Variants in MANSC1 observed in about 807,000 individuals in gnomAD.
MANSC1 encodes MANSC domain containing 1.
In MANSC1, 13 loss-of-function variants were observed where a neutral mutation model predicts 14.1. The observed-to-expected ratio is 0.92, with a 90% CI of 0.60 to 1.46. The LOEUF (loss-of-function observed/expected upper bound fraction) is 1.46, where lower values mean the gene tolerates loss of function less well. MANSC1 is among the 40% of genes most tolerant of loss of function. The pLI is 0.00. For synonymous variants in MANSC1, 227 were observed against 200.7 expected (o/e 1.13, Z -1.11); for missense variants, 486 against 511.4 (o/e 0.95, Z 0.48).
At chr12:12,342,584 G>GTTT (rs760560592) in intron 2 of MANSC1, among the ~76,000 whole-genome samples, 33 of 41,770 alleles carry the variant, frequency 7.9e-4, no homozygotes, top group African/African-American at 1.9e-3. Flanking sequence ...GTGTTTTTTT[G>GTTT]TTTTTTTTTT....
chr12:12,343,625 C>T (rs549434529), intron 1 of MANSC1, among the ~76,000 whole-genome samples: 1 of 152,146 alleles, frequency 6.6e-6, no homozygotes, highest in Non-Finnish European at 1.5e-5. Flanking sequence ...AAACATACTA[C>T]CTCACCAATG....
rs374277674 is a variant in MANSC1, at chr12:12,347,652, C to T, written c.-101+2426G>A. On this transcript the variant is annotated intron_variant, in intron 1 of 3. Coordinates refer to ENST00000535902, the MANE Select transcript of MANSC1 (RefSeq NM_018050.4). The stretch of plus-strand genomic sequence containing the variant: ...GACAAATAAGCATATGAAAAGGTAT[C>T]TAACATCATATGTCATTAGGGGATT... Among the ~76,000 whole-genome samples, 168 of 152,336 alleles carry T rather than the reference C, an allele frequency of 1.1e-3. 2 individuals carry two copies. Among genetic ancestry groups the T allele is most frequent in the African/African-American group, 3.9e-3 (161 of 41,572 alleles).
chr12:12,331,555 C>T (rs747964413), intron 3 of MANSC1, among the ~76,000 whole-genome samples: 1 of 152,156 alleles, frequency 6.6e-6, no homozygotes, highest in Non-Finnish European at 1.5e-5. Context: ...CAAGACATGC[C>T]ACCTAAGACT....
intron 3 of MANSC1, among the ~76,000 whole-genome samples, chr12:12,334,968 A>G (rs1336999763): frequency 1.3e-5 from 2 of 152,014 alleles, no homozygotes; most frequent in Admixed American, 1.3e-4. Flanking sequence ...AGCCCCTCAT[A>G]CTTAATGCAG....
At chr12:12,338,880 C>CACACACAA (rs1169119283) in intron 2 of MANSC1, 4 of 356,592 alleles carry the variant, frequency 1.1e-5, no homozygotes, top group Admixed American at 9.6e-5. Context: ...TCCACAACCA[C>CACACACAA]ACACACACAA....
intron 2 of MANSC1, among the ~76,000 whole-genome samples, chr12:12,342,249 T>C (rs1441840587): frequency 6.6e-5 from 10 of 152,254 alleles, no homozygotes; most frequent in Non-Finnish European, 5.9e-5. Flanking sequence ...GGCCATTCAC[T>C]AGCTTTTCTA....
chr12:12,335,566 C>G (rs1169397462), intron 3 of MANSC1, among the ~76,000 whole-genome samples: 1 of 149,044 alleles, frequency 6.7e-6, no homozygotes, highest in Non-Finnish European at 1.5e-5. Context: ...GTCTCGAATT[C>G]CTGACGTTGT....
chr12:12,330,547 G>T lies in MANSC1; in HGVS notation c.776C>A (p.Thr259Asn), dbSNP rs769858093. The change falls in exon 4 of 4, where the codon ACT (threonine) becomes AAT (asparagine). Residue 259 changes from threonine (T) to asparagine (N), a missense_variant. Transcript: ENST00000535902. ...PTNASVTPSG[T>N]SQPQLATTAP... ...TGTGGTGGCCAGCTGTGGCTGGGAA[G>T]TCCCAGAAGGTGTCACTGAAGCATT... 10 of 1,614,086 alleles carry T rather than the reference G, an allele frequency of 6.2e-6. No individual in the cohort carries two copies. The Admixed American group carries it at 1.3e-4, about 22-fold the overall frequency.
In MANSC1 at chr12:12,327,215, C is replaced by A. The variant is rs76695635; in HGVS notation, c.*2812G>T. On this transcript the variant is annotated 3_prime_UTR_variant, in exon 4 of 4. Transcript: ENST00000535902. ...TCTTCTCACCTGTTCTAGGCTGCTA[C>A]CTTCTCTTTCTACAAACCAAAGGAG... The A allele has an allele frequency of 2.0e-5, 3 of 152,298 alleles. No individual in the cohort carries two copies. Among genetic ancestry groups the A allele is most frequent in the African/African-American group, 7.2e-5 (3 of 41,442 alleles). 9.4% of individuals were successfully genotyped at this position (152,298 alleles called of 1,614,324 possible).
chr12:12,335,394 G>A (rs1054641539), intron 3 of MANSC1, among the ~76,000 whole-genome samples: 3 of 151,296 alleles, frequency 2.0e-5, no homozygotes, highest in Non-Finnish European at 4.4e-5. Flanking sequence ...AGGCTAGAGT[G>A]CAGTGGCGCA....
Position 12,330,482 on chromosome 12 carries a change from T to C in MANSC1, c.841A>G (p.Thr281Ala), listed in dbSNP as rs1044358986. The change falls in exon 4 of 4, where the codon ACC becomes GCC. Residue 281 changes from threonine (T) to alanine (A), a missense_variant. Coordinates refer to ENST00000535902, the MANE Select transcript of MANSC1 (RefSeq NM_018050.4). Reference protein sequence around the residue: ...VTTVTSQPPTTLISTVFTRAA... With the variant: ...VTTVTSQPPTALISTVFTRAA... ...CGTGTAAAAACTGTAGAAATGAGGG[T>C]CGTGGGAGGCTGAGAAGTGACAGTG... The C allele has an allele frequency of 1.9e-6, 3 of 1,613,778 alleles. No individual in the cohort carries two copies. In the African/African-American group the frequency reaches 4.0e-5, roughly 22 times the overall value.
rs1565789689 is a variant in MANSC1 at position 12,328,983 on chromosome 12, G to GACAC, written c.*1043_*1044insGTGT. 2.3e-5 allele frequency: 1 copy of GACAC among 43,464 alleles called. No individual in the cohort carries two copies. The highest frequency in any genetic ancestry group is 9.2e-5 in the African/African-American group (1 of 10,864). 2.7% of individuals were successfully genotyped at this position (43,464 alleles called of 1,614,324 possible). A position where few individuals can be genotyped will look rare whatever the true frequency, so the allele number is the denominator to read the frequency against. On this transcript the variant is annotated 3_prime_UTR_variant, in exon 4 of 4. Coordinates refer to ENST00000535902, the MANE Select transcript of MANSC1 (RefSeq NM_018050.4). ...AGCCTGGGTGACAGAGCAAGACTCT[G>GACAC]TCACACACACACACACACACACACA...
intron 3 of MANSC1, among the ~76,000 whole-genome samples, chr12:12,335,891 A>T (rs1862853066): frequency 6.6e-6 from 1 of 151,780 alleles, no homozygotes; most frequent in Non-Finnish European, 1.5e-5. Context: ...CCACACACCT[A>T]AAAACTCCCG....
At chr12:12,341,887 G>T (rs1312270612) in intron 2 of MANSC1, among the ~76,000 whole-genome samples, 3 of 152,226 alleles carry the variant, frequency 2.0e-5, no homozygotes, top group Admixed American at 6.5e-5. Context: ...AGCTACCCGG[G>T]AGGCTGAGGC....
chr12:12,349,746 C>G (rs767616581), intron 1 of MANSC1, among the ~76,000 whole-genome samples: 4 of 152,204 alleles, frequency 2.6e-5, no homozygotes, highest in Non-Finnish European at 4.4e-5. Context: ...ATAATGAATA[C>G]AGAGTCAACG....
intron 3 of MANSC1, 102 bp downstream of exon 3, chr12:12,338,318 C>T: frequency 9.8e-7 from 1 of 1,022,716 alleles, no homozygotes; most frequent in East Asian, 2.7e-5. Context: ...ATGTCTGGTA[C>T]CCCTTCTGGT....
rs147498151 is a variant in MANSC1 at position 12,330,287 on chromosome 12, C to T, written c.1036G>A (p.Val346Met). The change falls in exon 4 of 4, where the codon GTG becomes ATG. Residue 346 changes from valine (V) to methionine (M), a missense_variant. Coordinates refer to ENST00000535902, the MANE Select transcript of MANSC1 (RefSeq NM_018050.4). The stretch of plus-strand genomic sequence containing the variant: ...GTTTTATTCATAGTGGAAGACTCCA[C>T]ATTTGACATAGAAAGTGCAGTAGGG... ...YNPTALSMSNVESSTMNKTAS... is the reference protein window; with the variant it reads ...YNPTALSMSNMESSTMNKTAS... 32 of 1,614,220 alleles carry T rather than the reference C, an allele frequency of 2.0e-5. No homozygotes were observed. In the African/African-American group the frequency reaches 3.3e-4, roughly 17 times the overall value.
intron 1 of MANSC1, among the ~76,000 whole-genome samples, chr12:12,345,709 G>C (rs1329628948): frequency 2.0e-5 from 3 of 152,150 alleles, no homozygotes; most frequent in Admixed American, 1.3e-4. Context: ...CTGAATGATA[G>C]CTTAGAGCAG....
chr12:12,336,100 T>C (rs1862855908), intron 3 of MANSC1, among the ~76,000 whole-genome samples: 2 of 152,140 alleles, frequency 1.3e-5, no homozygotes, highest in African/African-American at 4.8e-5. Flanking sequence ...ATCGCGCCAC[T>C]GCACTCCACC....
Sources: allele counts gnomAD v4.1 joint callset (sites outside exome capture counted in the v4.1 genomes callset), GRCh38; gene constraint gnomAD v4.1.1; transcripts MANE v1.5; gene names NCBI Gene and HGNC (gene_info 2026-07-23, HGNC 2026-07-21).